Variants in GRID2 observed in about 807,000 individuals in gnomAD.
The protein encoded by GRID2 is glutamate ionotropic receptor delta type subunit 2.
Under a neutral mutation model 114.8 loss-of-function variants are expected in GRID2, and 33 were observed. The observed-to-expected ratio is 0.29, with a 90% confidence interval of 0.22 to 0.38. The LOEUF is 0.38. GRID2 is among the 10% of genes least tolerant of loss of function. GRID2 has a pLI of 1.00. For synonymous variants in GRID2, 505 were observed against 449.9 expected (o/e 1.12, Z -1.55); for missense variants, 1,184 against 1,257.7 (o/e 0.94, Z 0.89).
chr4:93,118,936 T>C (rs1271952431), intron 4 of GRID2, among the ~76,000 whole-genome samples: 4 of 152,234 alleles, frequency 2.6e-5, no homozygotes, highest in Admixed American at 1.3e-4. Flanking sequence ...TCAAGAGAAA[T>C]ATTAACTTTA....
intron 8 of GRID2, among the ~76,000 whole-genome samples, chr4:93,284,690 T>G (rs943305237): frequency 1.3e-5 from 2 of 151,746 alleles, no homozygotes; most frequent in Non-Finnish European, 2.9e-5. Flanking sequence ...ATACCAAATT[T>G]TAAATATATA....
intron 1 of GRID2, among the ~76,000 whole-genome samples, chr4:92,551,835 G>A (rs549864085): frequency 1.3e-5 from 2 of 152,130 alleles, no homozygotes; most frequent in African/African-American, 4.8e-5. Context: ...GAAAGATGCT[G>A]CTAGGAATGG....
chr4:92,426,379 T>C (rs910170968), intron 1 of GRID2, among the ~76,000 whole-genome samples: 2 of 152,156 alleles, frequency 1.3e-5, no homozygotes, highest in African/African-American at 4.8e-5. Flanking sequence ...AAAAGGTATA[T>C]GCTTTGCTTA....
intron 1 of GRID2, among the ~76,000 whole-genome samples, chr4:92,418,976 T>A (rs979864528): frequency 3.3e-5 from 5 of 152,152 alleles, no homozygotes; most frequent in Non-Finnish European, 5.9e-5. Flanking sequence ...TCTCTCTCCC[T>A]CTCTTTCCTT....
At chr4:92,340,964 G>T (rs1440284590) in intron 1 of GRID2, among the ~76,000 whole-genome samples, 1 of 151,720 alleles carries the variant, frequency 6.6e-6, no homozygotes, top group Non-Finnish European at 1.5e-5. Context: ...TTGTAAAGGG[G>T]GTTCTTAAAC....
intron 12 of GRID2, among the ~76,000 whole-genome samples, chr4:93,510,893 C>T (rs546951199): frequency 1.3e-3 from 202 of 152,230 alleles, no homozygotes; most frequent in African/African-American, 4.5e-3. Context: ...TCAGATATAT[C>T]TAATAGACTA....
At chr4:92,360,303 C>G (rs1480673563) in intron 1 of GRID2, among the ~76,000 whole-genome samples, 2 of 151,782 alleles carry the variant, frequency 1.3e-5, no homozygotes, top group African/African-American at 4.8e-5. Context: ...CATCTTTATC[C>G]TTCAGCTGGG....
chr4:93,575,156 T>C (rs905225909), intron 13 of GRID2, among the ~76,000 whole-genome samples: 5 of 152,140 alleles, frequency 3.3e-5, no homozygotes, highest in African/African-American at 1.2e-4. Flanking sequence ...ACAGGACTTA[T>C]CCCACAGCCA....
At chr4:92,550,344 A>G (rs1463871553) in intron 1 of GRID2, among the ~76,000 whole-genome samples, 1 of 152,164 alleles carries the variant, frequency 6.6e-6, no homozygotes, top group African/African-American at 2.4e-5. Flanking sequence ...AAATGTTGTA[A>G]TACATATTTA....
intron 10 of GRID2, 125 bp from the exon 11 acceptor site, chr4:93,455,537 G>C (rs1000260845): frequency 1.6e-6 from 1 of 635,568 alleles, no homozygotes; most frequent in South Asian, 2.0e-5. Context: ...CAGTGTTTCA[G>C]TTTATATAAA....
At chr4:92,419,889 C>T (rs909931538) in intron 1 of GRID2, among the ~76,000 whole-genome samples, 1 of 151,772 alleles carries the variant, frequency 6.6e-6, no homozygotes, top group Non-Finnish European at 1.5e-5. Flanking sequence ...GGAAAATATA[C>T]CTATTTTATT....
chr4:92,592,674 C>A (rs977253696), intron 2 of GRID2, among the ~76,000 whole-genome samples: 5 of 152,030 alleles, frequency 3.3e-5, no homozygotes, highest in Non-Finnish European at 7.4e-5. Context: ...CTGATACTAA[C>A]AGGATGTTCT....
intron 4 of GRID2, among the ~76,000 whole-genome samples, chr4:93,165,305 AAG>A (rs1242465632): frequency 3.3e-5 from 5 of 152,056 alleles, no homozygotes; most frequent in Non-Finnish European, 5.9e-5. Flanking sequence ...TCATACTGCA[AAG>A]AGAAGAAAAG....
intron 9 of GRID2, among the ~76,000 whole-genome samples, chr4:93,411,521 G>A (rs779957887): frequency 2.4e-4 from 36 of 150,740 alleles, no homozygotes; most frequent in Admixed American, 4.6e-4. Context: ...TGCAACCTCC[G>A]CCTCCCGGGT....
chr4:93,658,200 G>T (rs1419644258), intron 14 of GRID2, among the ~76,000 whole-genome samples: 5 of 152,122 alleles, frequency 3.3e-5, no homozygotes, highest in Admixed American at 3.3e-4. Flanking sequence ...TGACCTGTTG[G>T]ACTAATTTCA....
chr4:93,116,681 T>C (rs985087278), intron 4 of GRID2, among the ~76,000 whole-genome samples: 8 of 152,082 alleles, frequency 5.3e-5, no homozygotes, highest in Non-Finnish European at 8.8e-5. Context: ...TCCTGGTTCC[T>C]GTGTCTTAAC....
chr4:93,302,263 G>A (rs1036263111), intron 8 of GRID2, among the ~76,000 whole-genome samples: 29 of 152,092 alleles, frequency 1.9e-4, no homozygotes, highest in African/African-American at 7.0e-4. Flanking sequence ...CTAAAAATAT[G>A]CTAAAGCCAG....
At chr4:93,615,641 A>C (rs934184254) in intron 13 of GRID2, among the ~76,000 whole-genome samples, 26 of 145,512 alleles carry the variant, frequency 1.8e-4, no homozygotes, top group Middle Eastern at 3.6e-3. Flanking sequence ...CTTCACCCCA[A>C]AAAAAAAAAA....
At chr4:93,728,100 C>G (rs1401762861) in intron 14 of GRID2, among the ~76,000 whole-genome samples, 2 of 151,954 alleles carry the variant, frequency 1.3e-5, no homozygotes, top group Admixed American at 1.3e-4. Flanking sequence ...TTAGATCTTT[C>G]CTGCTTTCTC....
Sources: gnomAD v4.1 joint callset for allele counts (sites outside exome capture counted in the v4.1 genomes callset) on GRCh38, gnomAD v4.1.1 for gene constraint, MANE v1.5 for transcripts, NCBI Gene and HGNC (gene_info 2026-07-23, HGNC 2026-07-21) for gene names.